The following ALDH7A1 variants were observed in gnomAD, a reference collection of about 807,000 sequenced individuals.
The protein encoded by ALDH7A1 is aldehyde dehydrogenase 7 family member A1, also known as alpha-aminoadipic semialdehyde dehydrogenase.
In ALDH7A1, 63 loss-of-function variants were observed where a neutral mutation model predicts 79.9. The ratio of observed to expected loss-of-function variants is 0.79; its 90% CI spans 0.64 to 0.97. ALDH7A1 has a LOEUF of 0.97. ALDH7A1 is among the 50% of genes least tolerant of loss of function. ALDH7A1 has a pLI of 0.00. For synonymous variants in ALDH7A1, 240 were observed against 231.2 expected, an observed-to-expected ratio of 1.04 and a Z score of -0.34; for missense variants, 627 against 665.2, an observed-to-expected ratio of 0.94 and a Z score of 0.63.
intron 16 of ALDH7A1, 109 bp from the exon 17 acceptor site, chr5:126,546,508 T>C: frequency 1.0e-6 from 1 of 971,146 alleles, no homozygotes; most frequent in South Asian, 1.4e-5. Flanking sequence ...AACCTGATTA[T>C]TTACTTTACA....
Position 126,559,300 on chromosome 5 carries a change from T to G in ALDH7A1, c.948A>C (p.Pro316=). 1.9e-6 allele frequency: 3 copies of G among 1,614,026 alleles called. No homozygotes were observed. In the South Asian group the frequency reaches 3.3e-5, roughly 18 times the overall value. ...FEDADLSLVV[P]SALFAAVGTA... ...TTCCCACAGCAGCGAAGAGAGCTGA[T>G]GGAACAACTAAGCTGAGGTCTGCAT... Residue 316 remains proline (P), a synonymous_variant, in exon 11 of 18, where the codon CCA becomes CCC. Coordinates refer to ENST00000409134, the MANE Select transcript of ALDH7A1 (RefSeq NM_001182.5).
rs114516357 is a variant in ALDH7A1, at chr5:126,559,288, G to A, written c.960C>T (p.Phe320=). 62 of 1,614,022 alleles carry A rather than the reference G, an allele frequency of 3.8e-5. No homozygotes were observed. The African/African-American group carries it at 5.7e-4, about 15-fold the overall frequency. The change falls in exon 11 of 18, where the codon TTC becomes TTT. Residue 320 remains phenylalanine, a synonymous_variant. Coordinates refer to ENST00000409134, the MANE Select transcript of ALDH7A1 (RefSeq NM_001182.5). The stretch of plus-strand genomic sequence containing the variant: ...TCTGGCCAGCTGTTCCCACAGCAGC[G>A]AAGAGAGCTGATGGAACAACTAAGC... ...DLSLVVPSAL[F]AAVGTAGQRC...
chr5:126,549,945 C>A lies in ALDH7A1; in HGVS notation c.1473G>T (p.Glu491Asp). 6.2e-7 allele frequency: 1 copy of A among 1,614,168 alleles called. No individual in the cohort carries two copies. Among genetic ancestry groups the A allele is most frequent in the South Asian group, 1.1e-5 (1 of 91,074 alleles). The change falls in exon 16 of 18, where the codon GAG becomes GAT. Residue 491 changes from glutamate to aspartate, a missense_variant. By Grantham distance (45) the Glu-to-Asp change is conservative. Transcript: ENST00000409134. Reference protein sequence around the residue: ...VNVNIPTSGAEIGGAFGGEKH... With the variant: ...VNVNIPTSGADIGGAFGGEKH... ...TCTACGTACCAAAGGCACCTCCAAT[C>A]TCAGCCCCACTTGTTGGAATGTTGA...
rs1179392377 is a variant in ALDH7A1 at position 126,543,163 on chromosome 5, A to G, written c.*1802T>C. 1 of 152,230 alleles carries G rather than the reference A, an allele frequency of 6.6e-6. No homozygotes were observed. The highest frequency in any genetic ancestry group is 2.4e-5 in the African/African-American group (1 of 41,464). 9.4% of individuals were successfully genotyped at this position (152,230 alleles called of 1,614,324 possible). A position where few individuals can be genotyped will look rare whatever the true frequency, so the allele number is the denominator to read the frequency against. ...CTTACAAATGTACATTTTAACTTGG[A>G]TAGTTAAAAATACTAACAAGTGATT... is the stretch of plus-strand genomic sequence containing the variant. On this transcript the variant is annotated 3_prime_UTR_variant, in exon 18 of 18. Transcript: ENST00000409134.
At position 126,563,786 on chromosome 5, in the gene ALDH7A1, C is replaced by T. The variant is rs994816662; in HGVS notation, c.872-2662G>A. ...GATTACAGGCTTGAGCCATCGCAACCGGCCCACCATTTTTTTTTCTTTCTT... is the reference window on the plus strand; with the variant it reads ...GATTACAGGCTTGAGCCATCGCAACTGGCCCACCATTTTTTTTTCTTTCTT... On this transcript the variant is annotated intron_variant, in intron 9 of 17. Coordinates refer to ENST00000409134, the MANE Select transcript of ALDH7A1 (RefSeq NM_001182.5). Among the ~76,000 whole-genome samples, 8 of 152,046 alleles carry T rather than the reference C, an allele frequency of 5.3e-5. No individual in the cohort carries two copies. The South Asian group carries it at 6.3e-4, about 12-fold the overall frequency.
chr5:126,582,178 A>T (rs1484396151), intron 5 of ALDH7A1: 2 of 398,432 alleles, frequency 5.0e-6, no homozygotes, highest in African/African-American at 4.1e-5. Flanking sequence ...ACACACAAGA[A>T]ATTGAAAGCA....
At chr5:126,594,438 ATTTTTTTT>A (rs34684581) in intron 1 of ALDH7A1, 7 of 185,676 alleles carry the variant, frequency 3.8e-5, no homozygotes, top group Non-Finnish European at 6.2e-5. Flanking sequence ...TAAGGTTTTA[ATTTTTTTT>A]TTTTTTTTTT....
intron 9 of ALDH7A1, among the ~76,000 whole-genome samples, chr5:126,567,497 G>A (rs1750624905): frequency 1.3e-5 from 2 of 150,304 alleles, no homozygotes; most frequent in South Asian, 2.1e-4. Flanking sequence ...TTTTTTAGAC[G>A]GAGTCTCACT....
intron 9 of ALDH7A1, among the ~76,000 whole-genome samples, chr5:126,563,925 C>T (rs1181996657): frequency 6.6e-6 from 1 of 150,760 alleles, no homozygotes; most frequent in Non-Finnish European, 1.5e-5. Context: ...GTAGCTCATA[C>T]AACAAGCACG....
intron 3 of ALDH7A1, among the ~76,000 whole-genome samples, chr5:126,590,761 C>T (rs558615039): frequency 2.0e-5 from 3 of 151,788 alleles, no homozygotes; most frequent in Non-Finnish European, 2.9e-5. Flanking sequence ...GTGGTGTGTA[C>T]GTGTAATCCC....
chr5:126,590,049 G>A (rs1183907408), intron 3 of ALDH7A1, among the ~76,000 whole-genome samples: 1 of 150,592 alleles, frequency 6.6e-6, no homozygotes, highest in Non-Finnish European at 1.5e-5. Flanking sequence ...CGCCCCGTCT[G>A]GAAAGTGAAG....
intron 11 of ALDH7A1, among the ~76,000 whole-genome samples, chr5:126,558,556 G>T (rs1008021557): frequency 1.1e-4 from 16 of 152,028 alleles, no homozygotes; most frequent in Non-Finnish European, 2.4e-4. Context: ...TTGCCCTGTC[G>T]CCCAGGCTAG....
In ALDH7A1 at chr5:126,577,221, G is replaced by C. The variant is rs754554303; in HGVS notation, c.518-10C>G. ...AGTGCATGGCCAGATCCTGAGGACAGAAAAAGGATGGAACATGCAGAAGCA... is the reference window on the plus strand; with the variant it reads ...AGTGCATGGCCAGATCCTGAGGACACAAAAAGGATGGAACATGCAGAAGCA... On this transcript the variant is annotated splice_polypyrimidine_tract_variant and intron_variant, in intron 5 of 17. Transcript: ENST00000409134. 6.2e-7 allele frequency: 1 copy of C among 1,614,074 alleles called. No individual in the cohort carries two copies. Among genetic ancestry groups the C allele is most frequent in the Admixed American group, 1.7e-5 (1 of 59,994 alleles).
At position 126,554,144 on chromosome 5, in the gene ALDH7A1, T is replaced by C. The variant is rs1750094838; in HGVS notation, c.1200+143A>G. The C allele has an allele frequency of 4.7e-6, 3 of 642,538 alleles. No homozygotes were observed. In the South Asian group the frequency reaches 5.8e-5, roughly 12 times the overall value. The allele number at this position is 642,538 out of a possible 1,614,324, so 39.8% of individuals were successfully genotyped here. On this transcript the variant is annotated intron_variant, in intron 13 of 17. Transcript: ENST00000409134. ...ACAAACAAAAACATGTGTTTCCTTG[T>C]TTTATAATAATATATATAAATAAAG...
rs149816961 is a variant in ALDH7A1, at chr5:126,594,508, G to A, written c.192+499C>T. On this transcript the variant is annotated intron_variant, in intron 1 of 17. Transcript: ENST00000409134. ...TGCTCAGGCTGGAGTGCAATGGCACGATCTCGGCTCACTACGACCTCCACC... is the reference window on the plus strand; with the variant it reads ...TGCTCAGGCTGGAGTGCAATGGCACAATCTCGGCTCACTACGACCTCCACC... 747 of 270,732 alleles carry A rather than the reference G, an allele frequency of 2.8e-3. 10 individuals carry two copies. Among genetic ancestry groups the A allele is most frequent in the African/African-American group, 0.017 (714 of 41,072 alleles). The allele number at this position is 270,732 out of a possible 1,614,324, so 16.8% of individuals were successfully genotyped here.
At chr5:126,562,252 G>T (rs1750427597) in intron 9 of ALDH7A1, 1 of 151,508 alleles carries the variant, frequency 6.6e-6, no homozygotes, top group Non-Finnish European at 1.5e-5. Flanking sequence ...GCCCAGGCTG[G>T]GGTGTACTAG....
intron 4 of ALDH7A1, 72 bp from the exon 5 acceptor site, chr5:126,583,046 G>C: frequency 1.3e-6 from 2 of 1,568,938 alleles, no homozygotes; most frequent in South Asian, 1.1e-5. Context: ...TAAAGAAAGG[G>C]GGAAGCAAAA....
At chr5:126,573,744 G>A (rs2112789614) in intron 7 of ALDH7A1, among the ~76,000 whole-genome samples, 1 of 151,282 alleles carries the variant, frequency 6.6e-6, no homozygotes, top group East Asian at 1.9e-4. Flanking sequence ...GCATGCACCT[G>A]TAATCCCAGC....
intron 16 of ALDH7A1, among the ~76,000 whole-genome samples, chr5:126,548,599 G>T (rs763257744): frequency 6.6e-6 from 1 of 151,730 alleles, no homozygotes; most frequent in Non-Finnish European, 1.5e-5. Context: ...GCTAATTTTT[G>T]TAATTTTTGT....
Sources: allele counts gnomAD v4.1 joint callset (sites outside exome capture counted in the v4.1 genomes callset), GRCh38; gene constraint gnomAD v4.1.1; transcripts MANE v1.5; gene names NCBI Gene and HGNC (gene_info 2026-07-23, HGNC 2026-07-21).